GOLGA4: variants seen among roughly 807,000 people sequenced by gnomAD.
GOLGA4 encodes golgin A4.
Under a neutral mutation model 265.9 loss-of-function variants are expected in GOLGA4, and 169 were observed. The ratio of observed to expected loss-of-function variants is 0.64; its 90% CI spans 0.56 to 0.72. The LOEUF is 0.72. Ranked by LOEUF, GOLGA4 falls within the 30% of genes least tolerant of loss-of-function variation. The probability of loss-of-function intolerance (pLI) is 0.00; values close to 1 mark genes in which losing one functional copy is unlikely to be tolerated. For missense variants in GOLGA4, 2,482 were observed against 2,483.4 expected (o/e 1.00, Z 0.01); for synonymous variants, 923 against 855.8 (o/e 1.08, Z -1.37).
chr3:37,334,232 G>T (rs1443364965), intron 16 of GOLGA4, among the ~76,000 whole-genome samples: 1 of 152,152 alleles, frequency 6.6e-6, no homozygotes, highest in Non-Finnish European at 1.5e-5. Context: ...AGGACAATTT[G>T]TATGCCAAAT....
intron 2 of GOLGA4, among the ~76,000 whole-genome samples, chr3:37,273,366 C>G (rs992100568): frequency 6.6e-6 from 1 of 152,148 alleles, no homozygotes; most frequent in Non-Finnish European, 1.5e-5. Context: ...ACTTACCATA[C>G]TACAATAGTT....
chr3:37,310,733 G>GT (rs1441809579), intron 10 of GOLGA4, among the ~76,000 whole-genome samples: 55 of 151,060 alleles, frequency 3.6e-4, no homozygotes, highest in African/African-American at 1.1e-3. Context: ...GTGTGTGTGT[G>GT]TGTTTTTTTT....
intron 23 of GOLGA4, among the ~76,000 whole-genome samples, chr3:37,361,648 G>A (rs574900375): frequency 1.3e-5 from 2 of 152,280 alleles, no homozygotes; most frequent in African/African-American, 4.8e-5. Flanking sequence ...TTGAAATTAT[G>A]ATTGTGAGAG....
At chr3:37,310,275 CA>C (rs968101236) in intron 10 of GOLGA4, among the ~76,000 whole-genome samples, 6 of 152,122 alleles carry the variant, frequency 3.9e-5, no homozygotes, top group African/African-American at 7.2e-5. Flanking sequence ...AGAATTCTGG[CA>C]TTTCTTATTA....
rs1477090115 is a variant in GOLGA4, at chr3:37,324,287, G to C, written c.2401G>C (p.Asp801His). Reference protein sequence around the residue: ...GELQQASAKLDVFQSYQSATH... With the variant: ...GELQQASAKLHVFQSYQSATH... ...ACTCCAGCAGGCATCTGCTAAGCTG[G>C]ACGTTTTTCAGTCTTACCAGAGTGC... Residue 801 changes from aspartate to histidine, a missense_variant, in exon 14 of 24, where the codon GAC (aspartate) becomes CAC (histidine). Asp to His is a moderately conservative substitution (Grantham distance 81, BLOSUM62 -1). This residue lies in a region of GOLGA4 where 1,536 missense variants were observed against 1,483.7 expected (regional missense o/e 1.04). Coordinates refer to ENST00000361924, the MANE Select transcript of GOLGA4 (RefSeq NM_002078.5). The C allele has an allele frequency of 3.7e-6, 6 of 1,614,212 alleles. No individual in the cohort carries two copies. The highest frequency in any genetic ancestry group is 5.1e-6 in the Non-Finnish European group (6 of 1,180,030).
At chr3:37,303,066 G>A (rs1475413721) in intron 10 of GOLGA4, among the ~76,000 whole-genome samples, 4 of 152,224 alleles carry the variant, frequency 2.6e-5, no homozygotes, top group South Asian at 2.1e-4. Flanking sequence ...CTACAATGCC[G>A]TAAACAGGCA....
chr3:37,364,860 T>C (rs2151103109), intron 23 of GOLGA4, among the ~76,000 whole-genome samples: 1 of 152,026 alleles, frequency 6.6e-6, no homozygotes, highest in Middle Eastern at 3.4e-3. Context: ...CCAAAAGTGC[T>C]GGGATTATAG....
intron 2 of GOLGA4, chr3:37,266,850 C>T (rs1391494636): frequency 3.9e-6 from 5 of 1,277,334 alleles, no homozygotes; most frequent in South Asian, 1.2e-5. Flanking sequence ...AGCTACTAGC[C>T]GGGATGATAG....
At chr3:37,264,562 G>C (rs994827640) in intron 2 of GOLGA4, among the ~76,000 whole-genome samples, 2 of 152,104 alleles carry the variant, frequency 1.3e-5, no homozygotes, top group Admixed American at 1.3e-4. Flanking sequence ...AGTTAGTTAA[G>C]GCTCTAGTTA....
chr3:37,327,323 G>A lies in GOLGA4; in HGVS notation c.5437G>A (p.Ala1813Thr), dbSNP rs375568233. The change falls in exon 14 of 24, where the codon GCC (alanine) becomes ACC (threonine). Residue 1813 changes from alanine (A) to threonine (T), a missense_variant. Ala to Thr is a moderately conservative substitution (Grantham distance 58). This residue lies in a region of GOLGA4 where 942 missense variants were observed against 983.1 expected (regional missense o/e 0.96). Coordinates refer to ENST00000361924, the MANE Select transcript of GOLGA4 (RefSeq NM_002078.5). ...AAACAAGAAATATTCCTTGATAGTA[G>A]CCCAGCATGTGGAAAAAGAAGGAGG... ...EKNKKYSLIV[A>T]QHVEKEGGKN... The A allele has an allele frequency of 1.5e-5, 25 of 1,613,706 alleles. No homozygotes were observed. The highest frequency in any genetic ancestry group is 2.2e-5 in the East Asian group (1 of 44,890).
chr3:37,255,565 AG>A (rs2096746250), intron 2 of GOLGA4, among the ~76,000 whole-genome samples: 1 of 152,178 alleles, frequency 6.6e-6, no homozygotes, highest in Non-Finnish European at 1.5e-5. Context: ...TAGACATATT[AG>A]TATTTTCAGC....
At chr3:37,316,693 T>G (rs936321063) in intron 11 of GOLGA4, among the ~76,000 whole-genome samples, 1 of 152,168 alleles carries the variant, frequency 6.6e-6, no homozygotes, top group African/African-American at 2.4e-5. Context: ...AATCAGAAGA[T>G]ATGAAGTATG....
rs754832007 is a variant in GOLGA4, at chr3:37,323,870, A to G, written c.1984A>G (p.Ile662Val). The change falls in exon 14 of 24, where the codon ATT (isoleucine) becomes GTT (valine). Residue 662 changes from isoleucine to valine, a missense_variant. Ile to Val is a conservative substitution (Grantham distance 29). This residue lies in a region of GOLGA4 where 1,536 missense variants were observed against 1,483.7 expected (regional missense o/e 1.04). Transcript: ENST00000361924. Reference sequence around the variant, plus strand: ...AGAAACATTGTTGAAAGACAAAGAGATTATCTTCCAGGCCCACATAGAAGA... The same window carrying G: ...AGAAACATTGTTGAAAGACAAAGAGGTTATCTTCCAGGCCCACATAGAAGA... Reference protein sequence around the residue: ...EKETLLKDKEIIFQAHIEEMN... With the variant: ...EKETLLKDKEVIFQAHIEEMN... 3 of 1,612,482 alleles carry G rather than the reference A, an allele frequency of 1.9e-6. No homozygotes were observed. Among genetic ancestry groups the G allele is most frequent in the Admixed American group, 1.7e-5 (1 of 59,678 alleles).
In GOLGA4 at chr3:37,339,367, A is replaced by G. The variant is rs567095198; in HGVS notation, c.6397-757A>G. Among the ~76,000 whole-genome samples the G allele has an allele frequency of 3.3e-5, 5 of 152,274 alleles. No homozygotes were observed. The South Asian group carries it at 1.0e-3, about 32-fold the overall frequency. On this transcript the variant is annotated intron_variant, in intron 19 of 23. Transcript: ENST00000361924. The stretch of plus-strand genomic sequence containing the variant: ...ACAGTGCTACTAAAAACATTGATAT[A>G]CAGGTTTTTGTTTAAACACCTGTTT...
chr3:37,358,358 C>G (rs2097095848), intron 22 of GOLGA4, among the ~76,000 whole-genome samples: 1 of 152,036 alleles, frequency 6.6e-6, no homozygotes. Flanking sequence ...TTTAAAAAAC[C>G]TCATTACAGG....
Position 37,292,308 on chromosome 3 carries a change from C to T in GOLGA4, c.583-2671C>T, listed in dbSNP as rs115385579. Among the ~76,000 whole-genome samples the T allele has an allele frequency of 6.8e-3, 1,040 of 152,210 alleles. 9 individuals are homozygous for T. The highest frequency in any genetic ancestry group is 0.024 in the African/African-American group (1,002 of 41,514). On this transcript the variant is annotated intron_variant, in intron 5 of 23. Coordinates refer to ENST00000361924, the MANE Select transcript of GOLGA4 (RefSeq NM_002078.5). ...CAGAAGTGGGGGAGAAGGGAGTTGT[C>T]ATAGGGCCACTAACTGTTGTATTTC...
chr3:37,349,069 C>T (rs957498975), intron 21 of GOLGA4, among the ~76,000 whole-genome samples: 9 of 152,146 alleles, frequency 5.9e-5, no homozygotes, highest in Non-Finnish European at 1.0e-4. Context: ...AGCGTCGATT[C>T]TCCTTTTCTG....
chr3:37,326,410 G>A lies in GOLGA4; in HGVS notation c.4524G>A (p.Lys1508=), dbSNP rs1453070509. 3 of 1,613,104 alleles carry A rather than the reference G, an allele frequency of 1.9e-6. No individual in the cohort carries two copies. The highest frequency in any genetic ancestry group is 1.7e-6 in the Non-Finnish European group (2 of 1,179,460). The change falls in exon 14 of 24, where the codon AAG becomes AAA. Residue 1508 remains lysine, a synonymous_variant. Transcript: ENST00000361924. ...GTGAAATGGAAGACGACAAGAGCAA[G>A]ATGGAGAAAAAGGAGTCTAATTTAG... ...LKGEMEDDKS[K]MEKKESNLET... is the part of the protein sequence containing the mutation.
rs1200737365 is a variant in GOLGA4 at position 37,366,440 on chromosome 3, C to T, written c.*394C>T. The T allele has an allele frequency of 4.2e-6, 1 of 240,842 alleles. No individual in the cohort carries two copies. Among genetic ancestry groups the T allele is most frequent in the African/African-American group, 2.2e-5 (1 of 44,754 alleles). The allele number at this position is 240,842 out of a possible 1,614,324, so 14.9% of individuals were successfully genotyped here. ...TTTTTAGGGTGATTTTTTAAAAAGA[C>T]TTGTGCAATACATTTTGAGGTGAAA... On this transcript the variant is annotated 3_prime_UTR_variant, in exon 24 of 24. Transcript: ENST00000361924.
Sources: allele counts gnomAD v4.1 joint callset (sites outside exome capture counted in the v4.1 genomes callset), GRCh38; gene constraint gnomAD v4.1.1; regional missense constraint gnomAD v4.1.1; transcripts MANE v1.5; gene names NCBI Gene and HGNC (gene_info 2026-07-23, HGNC 2026-07-21).